The following PARVB variants were observed in gnomAD, a reference collection of about 807,000 sequenced individuals.
The protein encoded by PARVB is parvin beta, also known as beta-parvin.
A neutral mutation model predicts 47.0 loss-of-function variants in PARVB; 46 were observed. The ratio of observed to expected loss-of-function variants is 0.98; its 90% confidence interval spans 0.77 to 1.25. PARVB has a LOEUF of 1.25. Ranked by LOEUF, PARVB falls within the 50% of genes most tolerant of loss-of-function variation. The pLI is 0.00. For missense variants in PARVB, 473 were observed against 471.6 expected (o/e 1.00, Z -0.03); for synonymous variants, 196 against 196.3 (o/e 1.00, Z 0.01).
At chr22:44,004,418 TAAAAG>T (rs1382531114) in intron 2 of PARVB, among the ~76,000 whole-genome samples, 1 of 152,152 alleles carries the variant, frequency 6.6e-6, no homozygotes, top group Non-Finnish European at 1.5e-5. Context: ...ACTCTCAAGT[TAAAAG>T]AGAATATTAA....
At chr22:44,133,292 G>A (rs1240153890) in intron 6 of PARVB, among the ~76,000 whole-genome samples, 1 of 152,186 alleles carries the variant, frequency 6.6e-6, no homozygotes, top group African/African-American at 2.4e-5. Flanking sequence ...AAGCCAACTG[G>A]TTGGAATTCA....
chr22:44,065,394 C>T (rs1030821662), intron 1 of PARVB, among the ~76,000 whole-genome samples: 5 of 152,024 alleles, frequency 3.3e-5, no homozygotes, highest in South Asian at 2.1e-4. Context: ...TGGGCTCAAG[C>T]GATCCTCCTG....
chr22:44,068,846 G>T lies in PARVB; in HGVS notation c.113-25082G>T, dbSNP rs2051590220. 6.6e-6 allele frequency among the ~76,000 whole-genome samples: 1 copy of T among 152,210 alleles called. No homozygotes were observed. The highest frequency in any genetic ancestry group is 1.5e-5 in the Non-Finnish European group (1 of 68,038). ...TCAGTCAGCCCAGGGGCCTGGGCGC[G>T]CCCTTCCTTCCTTCTTTGTGCATGG... is the stretch of plus-strand genomic sequence containing the variant. On this transcript the variant is annotated intron_variant, in intron 1 of 12. Transcript: ENST00000338758. The surrounding 1 kb of genome is among the most constrained non-coding windows in gnomAD (Gnocchi z 4.1).
intron 1 of PARVB, among the ~76,000 whole-genome samples, chr22:44,091,830 C>T (rs546894264): frequency 1.2e-4 from 18 of 152,338 alleles, no homozygotes; most frequent in African/African-American, 3.8e-4. Flanking sequence ...ACTCCTGCAT[C>T]AGGCAGTCCT....
At chr22:44,085,335 G>A (rs901769630) in intron 1 of PARVB, among the ~76,000 whole-genome samples, 1 of 151,962 alleles carries the variant, frequency 6.6e-6, no homozygotes, top group African/African-American at 2.4e-5. Context: ...TTTGAGACAA[G>A]ATCTGGCTCT....
intron 8 of PARVB, chr22:44,144,346 G>A (rs1386365617): frequency 6.6e-6 from 1 of 152,328 alleles, no homozygotes; most frequent in African/African-American, 2.4e-5. Flanking sequence ...GCAGTGGGGA[G>A]TGGTGGGGTC....
intron 3 of PARVB, among the ~76,000 whole-genome samples, chr22:44,118,242 G>A (rs1488217436): frequency 6.6e-6 from 1 of 152,194 alleles, no homozygotes; most frequent in Non-Finnish European, 1.5e-5. Flanking sequence ...AAAGAAGGAC[G>A]GAAACATGCT....
At chr22:44,098,852 A>G (rs1005549257) in intron 2 of PARVB, among the ~76,000 whole-genome samples, 1 of 151,954 alleles carries the variant, frequency 6.6e-6, no homozygotes, top group African/African-American at 2.4e-5. Flanking sequence ...TTTATTTTTA[A>G]AAATAGAGAC....
At chr22:44,019,923 G>C (rs970886504), upstream of PARVB, among the ~76,000 whole-genome samples, 1 of 152,136 alleles carries the variant, frequency 6.6e-6, no homozygotes, top group Admixed American at 6.5e-5. Flanking sequence ...ACTGTGACTG[G>C]GACATTATTT....
chr22:44,007,112 C>G (rs1000870469), intron 2 of PARVB, among the ~76,000 whole-genome samples: 30 of 152,220 alleles, frequency 2.0e-4, no homozygotes, highest in Non-Finnish European at 5.9e-5. Context: ...TCCGTTCATT[C>G]AACCGTTTGG....
At chr22:44,104,784 G>A (rs1290651047) in intron 3 of PARVB, 1 of 152,252 alleles carries the variant, frequency 6.6e-6, no homozygotes, top group Non-Finnish European at 1.5e-5. Context: ...TGGGCATCAG[G>A]TGAAAGGGGA....
chr22:44,122,562 CAGAGAGAGAGAGAGAGAG>C (rs55865160), intron 4 of PARVB, among the ~76,000 whole-genome samples: 13 of 78,802 alleles, frequency 1.6e-4, no homozygotes, highest in South Asian at 4.9e-4. Context: ...GACACAGAGA[CAGAGAGAGAGAGAGAGAG>C]AGAGAGAGAG....
intron 7 of PARVB, among the ~76,000 whole-genome samples, chr22:44,137,765 C>CT (rs2053468456): frequency 6.6e-6 from 1 of 152,140 alleles, no homozygotes. Flanking sequence ...TCCCAGGGTG[C>CT]TCTCAGGGTC....
chr22:44,163,938 C>T lies in PARVB; in HGVS notation c.1018+8C>T. 2 of 1,605,388 alleles carry T rather than the reference C, an allele frequency of 1.2e-6. No individual in the cohort carries two copies. The highest frequency in any genetic ancestry group is 1.7e-6 in the Non-Finnish European group (2 of 1,175,354). On this transcript the variant is annotated splice_region_variant and intron_variant, in intron 12 of 12. Transcript: ENST00000338758. Reference sequence around the variant, plus strand: ...CCAAGGCTCGTCCTGAAGGTAATGCCCCTGGCTCAGGTTCCCCCGGGAGAG... The same window carrying T: ...CCAAGGCTCGTCCTGAAGGTAATGCTCCTGGCTCAGGTTCCCCCGGGAGAG...
intron 4 of PARVB, among the ~76,000 whole-genome samples, chr22:44,127,682 A>C (rs867068739): frequency 7.0e-6 from 1 of 141,848 alleles, no homozygotes; most frequent in Non-Finnish European, 1.6e-5. Context: ...AGGGTAAAGG[A>C]GGTGTTTCTA....
intron 1 of PARVB, among the ~76,000 whole-genome samples, chr22:44,066,047 A>G (rs550354615): frequency 6.6e-6 from 1 of 152,300 alleles, no homozygotes; most frequent in East Asian, 1.9e-4. Flanking sequence ...TTCTTTTTAA[A>G]GGAAGCCTTG....
intron 1 of PARVB, among the ~76,000 whole-genome samples, chr22:44,057,138 T>A (rs1021208193): frequency 6.6e-6 from 1 of 152,004 alleles, no homozygotes; most frequent in East Asian, 1.9e-4. Context: ...ATGCTCAGTT[T>A]AGAAGCGTGT....
upstream of PARVB, among the ~76,000 whole-genome samples, chr22:44,019,551 T>C (rs115001154): frequency 5.1e-3 from 780 of 152,348 alleles, 10 homozygotes; most frequent in African/African-American, 0.018. Flanking sequence ...AAAGAGGTTT[T>C]GTCGCTCACG....
intron 1 of PARVB, among the ~76,000 whole-genome samples, chr22:44,072,821 G>A (rs75241189): frequency 0.01 from 1,565 of 152,168 alleles, 12 homozygotes; most frequent in African/African-American, 0.025. Flanking sequence ...ACAAGTTTCC[G>A]TCATGAATAA....
Sources: gnomAD v4.1 joint callset for allele counts (sites outside exome capture counted in the v4.1 genomes callset) on GRCh38, gnomAD v4.1.1 for gene constraint, Gnocchi (gnomAD v3.1) non-coding constraint, MANE v1.5 for transcripts, NCBI Gene and HGNC (gene_info 2026-07-23, HGNC 2026-07-21) for gene names.